Variants in MAPKAPK2 observed in about 807,000 individuals in gnomAD.
MAPKAPK2 encodes MAPK activated protein kinase 2, also known as MAP kinase-activated protein kinase 2.
In MAPKAPK2, 9 loss-of-function variants were observed where a neutral mutation model predicts 48.8. The ratio of observed to expected loss-of-function variants is 0.18; its 90% confidence interval spans 0.11 to 0.32. MAPKAPK2 has a LOEUF of 0.32. Ranked by LOEUF, MAPKAPK2 falls within the 10% of genes least tolerant of loss-of-function variation. MAPKAPK2 has a pLI of 1.00. For missense variants in MAPKAPK2, 331 were observed against 498.3 expected, an observed-to-expected ratio of 0.66 and a Z score of 3.20; for synonymous variants, 202 against 190.6, an observed-to-expected ratio of 1.06 and a Z score of -0.49.
chr1:206,685,634 G>C (rs1346651996), intron 1 of MAPKAPK2, 126 bp downstream of exon 1: 7 of 691,346 alleles, frequency 1.0e-5, no homozygotes, highest in Non-Finnish European at 1.1e-5. Context: ...GGGGCGGGGC[G>C]GGGCGGCCGG....
chr1:206,705,279 T>C (rs1281072762), intron 1 of MAPKAPK2, among the ~76,000 whole-genome samples: 1 of 152,202 alleles, frequency 6.6e-6, no homozygotes, highest in Non-Finnish European at 1.5e-5. Context: ...AGGTGGCTTC[T>C]ATTGAAATCA....
intron 1 of MAPKAPK2, among the ~76,000 whole-genome samples, chr1:206,691,463 C>T (rs1186237570): frequency 5.1e-5 from 3 of 58,470 alleles, no homozygotes; most frequent in Admixed American, 1.8e-4. Flanking sequence ...TAGGAAAATA[C>T]TGGTATTTTG....
intron 1 of MAPKAPK2, among the ~76,000 whole-genome samples, chr1:206,728,081 T>C (rs116289026): frequency 0.011 from 1,700 of 152,204 alleles, 33 homozygotes; most frequent in African/African-American, 0.04. Flanking sequence ...CCCTAGCCAA[T>C]TGGTCCAGGG....
intron 1 of MAPKAPK2, among the ~76,000 whole-genome samples, chr1:206,688,237 A>G (rs999602238): frequency 2.0e-5 from 3 of 152,138 alleles, no homozygotes; most frequent in African/African-American, 4.8e-5. Flanking sequence ...AGAAGAGAAA[A>G]CCAAGGCCCA....
intron 1 of MAPKAPK2, among the ~76,000 whole-genome samples, chr1:206,726,307 A>G (rs1479285214): frequency 6.6e-6 from 1 of 152,266 alleles, no homozygotes; most frequent in Non-Finnish European, 1.5e-5. Flanking sequence ...GAATTGTTTG[A>G]ACCCGGGAGG....
chr1:206,734,262 A>G lies in MAPKAPK2; in HGVS notation c.*1544A>G, dbSNP rs1553433301. On this transcript the variant is annotated 3_prime_UTR_variant, in exon 10 of 10. Coordinates refer to ENST00000367103, the MANE Select transcript of MAPKAPK2 (RefSeq NM_032960.4). Reference sequence around the variant, plus strand: ...GTTTTGTATGAGCGAAATTGTCTTTACTAAACAGATTTAATAGTTGAGAGT... The same window carrying G: ...GTTTTGTATGAGCGAAATTGTCTTTGCTAAACAGATTTAATAGTTGAGAGT... The G allele has an allele frequency of 6.5e-6, 1 of 152,856 alleles. No homozygotes were observed. Among genetic ancestry groups the G allele is most frequent in the African/African-American group, 2.4e-5 (1 of 41,454 alleles). 9.5% of individuals were successfully genotyped at this position (152,856 alleles called of 1,614,324 possible). A position where few individuals can be genotyped will look rare whatever the true frequency, so the allele number is the denominator to read the frequency against.
intron 1 of MAPKAPK2, among the ~76,000 whole-genome samples, chr1:206,698,182 T>C (rs1672689605): frequency 6.6e-6 from 1 of 152,250 alleles, no homozygotes; most frequent in Non-Finnish European, 1.5e-5. Context: ...ATGTTTATTG[T>C]TCTCCATGCC....
chr1:206,689,797 A>T (rs1672398125), intron 1 of MAPKAPK2, among the ~76,000 whole-genome samples: 1 of 152,260 alleles, frequency 6.6e-6, no homozygotes, highest in East Asian at 1.9e-4. Context: ...GCCACACTTC[A>T]AGTGTTCAGT....
intron 1 of MAPKAPK2, among the ~76,000 whole-genome samples, chr1:206,720,314 T>C (rs1553431038): frequency 6.6e-6 from 1 of 152,258 alleles, no homozygotes; most frequent in Admixed American, 6.5e-5. Context: ...CAGAGATCAT[T>C]ACCATTAACA....
At chr1:206,726,796 C>G (rs572769787) in intron 1 of MAPKAPK2, among the ~76,000 whole-genome samples, 39 of 152,342 alleles carry the variant, frequency 2.6e-4, no homozygotes, top group Admixed American at 2.2e-3. Flanking sequence ...AGGAAAAACC[C>G]AACATATCAT....
chr1:206,728,369 C>T (rs1194727695), intron 1 of MAPKAPK2, among the ~76,000 whole-genome samples: 2 of 152,092 alleles, frequency 1.3e-5, no homozygotes, highest in South Asian at 2.1e-4. Flanking sequence ...CCTTTCTCCC[C>T]GAAGCCCCTT....
Position 206,731,284 on chromosome 1 carries a change from A to G in MAPKAPK2, c.892+22A>G, listed in dbSNP as rs782550536. On this transcript the variant is annotated intron_variant, in intron 7 of 9. Coordinates refer to ENST00000367103, the MANE Select transcript of MAPKAPK2 (RefSeq NM_032960.4). The surrounding 1 kb of genome is among the most constrained non-coding windows in gnomAD (Gnocchi z 5.9). ...GAAGGTAAGAACCCAGGCTTTCAGG[A>G]CAAGGGGAAGAGCCCGTGTGTGTGT... The G allele has an allele frequency of 6.2e-7, 1 of 1,613,258 alleles. No homozygotes were observed. Among genetic ancestry groups the G allele is most frequent in the South Asian group, 1.1e-5 (1 of 90,992 alleles).
intron 1 of MAPKAPK2, among the ~76,000 whole-genome samples, chr1:206,703,012 C>T (rs1487217222): frequency 1.3e-5 from 2 of 152,202 alleles, no homozygotes; most frequent in Non-Finnish European, 2.9e-5. Flanking sequence ...AGCCCCCTGC[C>T]AGGCCCTCCC....
At chr1:206,719,106 G>A (rs1016012317) in intron 1 of MAPKAPK2, among the ~76,000 whole-genome samples, 2 of 152,002 alleles carry the variant, frequency 1.3e-5, no homozygotes, top group Admixed American at 6.6e-5. Context: ...TGTTCTTATC[G>A]TTTGGCCATT....
chr1:206,719,902 T>C lies in MAPKAPK2; in HGVS notation c.280-8808T>C, dbSNP rs150130794. Among the ~76,000 whole-genome samples the C allele has an allele frequency of 2.2e-4, 33 of 152,370 alleles. No individual in the cohort carries two copies. In the East Asian group the frequency reaches 6.0e-3, roughly 28 times the overall value. Reference sequence around the variant, plus strand: ...ATAATTAAAACTATTTTCTTTGAGCTTGTTTTTGGTGTACCTCCTGCACTA... The same window carrying C: ...ATAATTAAAACTATTTTCTTTGAGCCTGTTTTTGGTGTACCTCCTGCACTA... On this transcript the variant is annotated intron_variant, in intron 1 of 9. Coordinates refer to ENST00000367103, the MANE Select transcript of MAPKAPK2 (RefSeq NM_032960.4).
rs78730824 is a variant in MAPKAPK2, at chr1:206,705,598, C to T, written c.279+20090C>T. On this transcript the variant is annotated intron_variant, in intron 1 of 9. Coordinates refer to ENST00000367103, the MANE Select transcript of MAPKAPK2 (RefSeq NM_032960.4). ...AATTGTGTTGACTCTTGAGGGACAG[C>T]CAGGAAGAAGCAGGTGGGCTGGATG... Among the ~76,000 whole-genome samples, 133 of 152,266 alleles carry T rather than the reference C, an allele frequency of 8.7e-4. No homozygotes were observed. The East Asian group carries it at 0.024, about 27-fold the overall frequency.
chr1:206,692,747 C>A (rs977211404), intron 1 of MAPKAPK2, among the ~76,000 whole-genome samples: 6 of 152,208 alleles, frequency 3.9e-5, no homozygotes, highest in Non-Finnish European at 5.9e-5. Context: ...CTGAGCCCTC[C>A]AAAAGGGTCA....
chr1:206,731,103 T>G lies in MAPKAPK2; in HGVS notation c.768-35T>G. The stretch of plus-strand genomic sequence containing the variant: ...GTACAGGGCCACTAAGTGACAGCTG[T>G]TCTGTCTCCCACTTCCTTCCTCCTG... On this transcript the variant is annotated intron_variant, in intron 6 of 9. Coordinates refer to ENST00000367103, the MANE Select transcript of MAPKAPK2 (RefSeq NM_032960.4). The surrounding 1 kb of genome is among the most constrained non-coding windows in gnomAD (Gnocchi z 5.9). 6.2e-7 allele frequency: 1 copy of G among 1,614,054 alleles called. No homozygotes were observed. Among genetic ancestry groups the G allele is most frequent in the Non-Finnish European group, 8.5e-7 (1 of 1,179,896 alleles).
At chr1:206,694,905 A>C (rs942466348) in intron 1 of MAPKAPK2, among the ~76,000 whole-genome samples, 1 of 152,194 alleles carries the variant, frequency 6.6e-6, no homozygotes, top group Non-Finnish European at 1.5e-5. Context: ...CATATGTAGT[A>C]ACCTGCCCTG....
Sources: gnomAD v4.1 joint callset for allele counts (sites outside exome capture counted in the v4.1 genomes callset) on GRCh38, gnomAD v4.1.1 for gene constraint, Gnocchi (gnomAD v3.1) non-coding constraint, MANE v1.5 for transcripts, NCBI Gene and HGNC (gene_info 2026-07-23, HGNC 2026-07-21) for gene names.